ARHGAP6: variants seen among roughly 807,000 people sequenced by gnomAD.
ARHGAP6 encodes the protein Rho GTPase activating protein 6, also known as rho GTPase-activating protein 6.
ARHGAP6 carries 16 observed loss-of-function variants against 55.7 expected under a neutral mutation model. That is an observed-to-expected ratio of 0.29 (90% CI 0.19 to 0.44). ARHGAP6 has a LOEUF of 0.44. Ranked by LOEUF, ARHGAP6 falls within the 20% of genes least tolerant of loss-of-function variation. The probability of loss-of-function intolerance (pLI) is 1.00; values close to 1 mark genes in which losing one functional copy is unlikely to be tolerated. For missense variants in ARHGAP6, 698 were observed against 808.9 expected (o/e 0.86, Z 1.66); for synonymous variants, 382 against 360.9 (o/e 1.06, Z -0.66).
chrX:11,589,578 T>C (rs1176909951), intron 1 of ARHGAP6, among the ~76,000 whole-genome samples: 1 of 109,498 alleles, frequency 9.1e-6, no homozygotes, highest in Non-Finnish European at 1.9e-5. Context: ...AAGCTCTTCT[T>C]GTTTTCTATA....
chrX:11,587,779 G>T (rs749665138), intron 1 of ARHGAP6, among the ~76,000 whole-genome samples: 1 of 111,926 alleles, frequency 8.9e-6, no homozygotes, highest in Non-Finnish European at 1.9e-5. Context: ...AGCAGAAATG[G>T]ATTTCCTGAA....
At chrX:11,641,091 G>C (rs2052470407) in intron 1 of ARHGAP6, among the ~76,000 whole-genome samples, 1 of 110,714 alleles carries the variant, frequency 9.0e-6, no homozygotes, top group African/African-American at 3.3e-5. Context: ...AAAAAATATA[G>C]GGAGAAGACT....
chrX:11,486,209 A>G (rs2050509522), intron 1 of ARHGAP6, among the ~76,000 whole-genome samples: 1 of 112,333 alleles, frequency 8.9e-6, no homozygotes, highest in Admixed American at 9.4e-5. Context: ...ATGTCATGCT[A>G]GGTGAGGTAG....
At chrX:11,353,168 T>C (rs775365572) in intron 1 of ARHGAP6, among the ~76,000 whole-genome samples, 1 of 111,772 alleles carries the variant, frequency 8.9e-6, no homozygotes. Context: ...AATGCCAACC[T>C]ACCCTCCAGA....
intron 1 of ARHGAP6, among the ~76,000 whole-genome samples, chrX:11,647,470 T>C: frequency 8.9e-6 from 1 of 111,822 alleles, no homozygotes; most frequent in Non-Finnish European, 1.9e-5. Context: ...GACAAAGCAA[T>C]AGCCTGCCAG....
intron 2 of ARHGAP6, among the ~76,000 whole-genome samples, chrX:11,230,703 G>A (rs1424375310): frequency 2.8e-5 from 3 of 108,636 alleles, no homozygotes; most frequent in Non-Finnish European, 5.7e-5. Flanking sequence ...ATACATGTAT[G>A]TATATAGATA....
At chrX:11,573,875 G>T (rs911776144) in intron 1 of ARHGAP6, among the ~76,000 whole-genome samples, 11 of 111,418 alleles carry the variant, frequency 9.9e-5, no homozygotes, top group African/African-American at 3.6e-4. Context: ...GCAGTGGTTT[G>T]TGGTTCTCCT....
At chrX:11,570,089 C>T (rs2051494594) in intron 1 of ARHGAP6, among the ~76,000 whole-genome samples, 2 of 111,737 alleles carry the variant, frequency 1.8e-5, no homozygotes, top group South Asian at 7.5e-4. Flanking sequence ...AGGAGAAGGG[C>T]AGGTTGAGAG....
intron 1 of ARHGAP6, among the ~76,000 whole-genome samples, chrX:11,542,483 G>GA (rs112836400): frequency 0.23 from 24,002 of 103,108 alleles, 2,298 homozygotes; most frequent in Middle Eastern, 0.38. Context: ...TCGATAAAAA[G>GA]AAAAAAAAAA....
chrX:11,554,380 C>A (rs759333168), intron 1 of ARHGAP6, among the ~76,000 whole-genome samples: 1 of 111,719 alleles, frequency 9.0e-6, no homozygotes, highest in Non-Finnish European at 1.9e-5. Flanking sequence ...GGTTCGATAG[C>A]AGAGTACGGT....
At chrX:11,563,345 T>TA (rs146305800) in intron 1 of ARHGAP6, among the ~76,000 whole-genome samples, 2 of 79,974 alleles carry the variant, frequency 2.5e-5, no homozygotes, top group Non-Finnish European at 4.7e-5. Context: ...AATTTAATAA[T>TA]AATAAGTTCA....
At chrX:11,450,743 A>C (rs2050136549) in intron 1 of ARHGAP6, among the ~76,000 whole-genome samples, 1 of 112,099 alleles carries the variant, frequency 8.9e-6, no homozygotes. Context: ...CGGTGTGGGC[A>C]GATAACTCCA....
intron 1 of ARHGAP6, among the ~76,000 whole-genome samples, chrX:11,410,449 G>A (rs1336634431): frequency 8.9e-6 from 1 of 112,206 alleles, no homozygotes; most frequent in Non-Finnish European, 1.9e-5. Context: ...GCAAATTAAT[G>A]GTTGTCAGGG....
chrX:11,387,590 A>T (rs1421833982), intron 1 of ARHGAP6, among the ~76,000 whole-genome samples: 1 of 111,981 alleles, frequency 8.9e-6, no homozygotes, highest in Non-Finnish European at 1.9e-5. Context: ...TTTAGAGTAC[A>T]TGTGCGCAAC....
intron 1 of ARHGAP6, among the ~76,000 whole-genome samples, chrX:11,321,328 T>C (rs145943811): frequency 6.2e-4 from 70 of 112,078 alleles, no homozygotes; most frequent in African/African-American, 2.2e-3. Flanking sequence ...ATTTGTTCAA[T>C]TGGGCACAAA....
intron 1 of ARHGAP6, among the ~76,000 whole-genome samples, chrX:11,314,624 C>T (rs969222419): frequency 1.8e-5 from 2 of 112,051 alleles, no homozygotes; most frequent in African/African-American, 6.5e-5. Flanking sequence ...GATATGATCT[C>T]ATTCTTTTTT....
intron 1 of ARHGAP6, among the ~76,000 whole-genome samples, chrX:11,443,052 T>G (rs944261116): frequency 6.3e-5 from 7 of 111,987 alleles, no homozygotes; most frequent in Non-Finnish European, 9.4e-5. Context: ...GTGAACCCCC[T>G]GTATAACGAC....
intron 4 of ARHGAP6, among the ~76,000 whole-genome samples, chrX:11,188,013 C>G: frequency 9.0e-6 from 1 of 111,321 alleles, no homozygotes; most frequent in Middle Eastern, 4.6e-3. Flanking sequence ...GCCTGGGCAA[C>G]AGAGCAAGAC....
intron 3 of ARHGAP6, 132 bp downstream of exon 3, chrX:11,196,793 A>T (rs1191964800): frequency 2.1e-6 from 1 of 483,458 alleles, no homozygotes; most frequent in Non-Finnish European, 3.6e-6. Context: ...GCCCTTAATG[A>T]CATTCCACTG....
Sources: gnomAD v4.1 joint callset for allele counts (sites outside exome capture counted in the v4.1 genomes callset) on GRCh38, gnomAD v4.1.1 for gene constraint, MANE v1.5 for transcripts, NCBI Gene and HGNC (gene_info 2026-07-23, HGNC 2026-07-21) for gene names.